TTC21B: variants seen among roughly 807,000 people sequenced by gnomAD.
TTC21B encodes the protein tetratricopeptide repeat protein 21B.
TTC21B carries 127 observed loss-of-function variants against 175.1 expected under a neutral mutation model. The ratio of observed to expected loss-of-function variants is 0.73; its 90% CI spans 0.63 to 0.84. The LOEUF (loss-of-function observed/expected upper bound fraction) is 0.84, where lower values mean the gene tolerates loss of function less well. TTC21B is among the 40% of genes least tolerant of loss of function. The pLI is 0.00. For missense variants in TTC21B, 1,561 were observed against 1,558.3 expected (o/e 1.00, Z -0.03); for synonymous variants, 524 against 524.5 (o/e 1.00, Z 0.01).
chr2:165,892,290 C>G (rs1379119537), intron 22 of TTC21B, among the ~76,000 whole-genome samples: 1 of 152,078 alleles, frequency 6.6e-6, no homozygotes, highest in Non-Finnish European at 1.5e-5. Context: ...TGTTTTAAAG[C>G]TATTTATCCT....
chr2:165,908,569 C>G (rs1685823340), intron 18 of TTC21B, among the ~76,000 whole-genome samples: 1 of 152,000 alleles, frequency 6.6e-6, no homozygotes. Flanking sequence ...GCCACTTTAC[C>G]AACTAGGTAG....
rs770193918 is a variant in TTC21B, at chr2:165,929,662, A to G, written c.1173T>C (p.Ile391=). ...TAAAATACTGTACCGCAGATTTTCC[A>G]ATGGATTGCTGGATTTCATTTAAAA... is the stretch of plus-strand genomic sequence containing the variant. ...LEFLNEIQQS[I]GKSAELIYLH... The change falls in exon 10 of 29, where the codon ATT becomes ATC. Residue 391 remains isoleucine (I), a synonymous_variant. Transcript: ENST00000243344. 4.3e-6 allele frequency: 7 copies of G among 1,611,498 alleles called. No homozygotes were observed. The South Asian group carries it at 7.7e-5, about 18-fold the overall frequency.
intron 24 of TTC21B, among the ~76,000 whole-genome samples, chr2:165,890,218 C>G (rs1685140509): frequency 6.6e-6 from 1 of 152,106 alleles, no homozygotes; most frequent in Admixed American, 6.5e-5. Flanking sequence ...CATAGCATGT[C>G]TATTATTATT....
intron 22 of TTC21B, among the ~76,000 whole-genome samples, chr2:165,894,185 G>A (rs1685285827): frequency 6.6e-6 from 1 of 152,098 alleles, no homozygotes; most frequent in African/African-American, 2.4e-5. Context: ...CAAGCAAACA[G>A]AGCTGAGGAG....
At chr2:165,890,791 CAAT>C in intron 23 of TTC21B, 44 bp downstream of exon 23, 1 of 1,585,744 alleles carries the variant, frequency 6.3e-7, no homozygotes, top group Non-Finnish European at 8.6e-7. Flanking sequence ...ACTTGATTTA[CAAT>C]GAGAAAAAAA....
At chr2:165,945,805 T>C (rs897319504) in intron 3 of TTC21B, 115 bp from the exon 4 acceptor site, 24 of 918,428 alleles carry the variant, frequency 2.6e-5, no homozygotes, top group Admixed American at 8.5e-5. Flanking sequence ...TACTGTCTAA[T>C]AGAAATAAAA....
intron 22 of TTC21B, among the ~76,000 whole-genome samples, chr2:165,891,228 A>G (rs1425782568): frequency 6.6e-6 from 1 of 152,108 alleles, no homozygotes; most frequent in Non-Finnish European, 1.5e-5. Flanking sequence ...AGAAAAATGC[A>G]TATTTCTTGT....
At chr2:165,938,297 G>A (rs1687236835) in intron 6 of TTC21B, among the ~76,000 whole-genome samples, 1 of 151,946 alleles carries the variant, frequency 6.6e-6, no homozygotes, top group African/African-American at 2.4e-5. Context: ...CTAACCAGGA[G>A]AAGAGAAGTT....
At chr2:165,926,991 C>CATATATATATATATATATATAT (rs367965246) in intron 11 of TTC21B, among the ~76,000 whole-genome samples, 1 of 14,618 alleles carries the variant, frequency 6.8e-5, no homozygotes, top group Non-Finnish European at 1.6e-4. Flanking sequence ...TATAAACTCC[C>CATATATATATATATATATATAT]ATATATATAT....
At chr2:165,897,642 C>T (rs12692787) in intron 22 of TTC21B, among the ~76,000 whole-genome samples, 66,222 of 151,936 alleles carry the variant, frequency 0.44, 15,177 homozygotes, top group Middle Eastern at 0.57. Flanking sequence ...GTTTAGGACA[C>T]ATCTGCACAT....
At chr2:165,943,861 T>TGA (rs1180417809) in intron 4 of TTC21B, among the ~76,000 whole-genome samples, 1 of 152,146 alleles carries the variant, frequency 6.6e-6, no homozygotes, top group Non-Finnish European at 1.5e-5. Context: ...AATTATAAAC[T>TGA]GAAGAACTCA....
intron 9 of TTC21B, 75 bp downstream of exon 9, chr2:165,930,097 C>G: frequency 1.4e-6 from 2 of 1,400,800 alleles, no homozygotes; most frequent in Non-Finnish European, 2.0e-6. Context: ...TCCATGTGTT[C>G]TTCTCTAATG....
chr2:165,899,682 C>A, intron 21 of TTC21B, 88 bp downstream of exon 21: 1 of 832,148 alleles, frequency 1.2e-6, no homozygotes. Flanking sequence ...TGAGCCATGC[C>A]TCATCATCTA....
chr2:165,906,422 A>C (rs2105311705), intron 19 of TTC21B, among the ~76,000 whole-genome samples: 1 of 152,108 alleles, frequency 6.6e-6, no homozygotes, highest in African/African-American at 2.4e-5. Context: ...AAGAAGAAAA[A>C]ATTACTAATA....
intron 11 of TTC21B, 111 bp downstream of exon 11, chr2:165,929,024 A>C: frequency 1.0e-6 from 1 of 957,082 alleles, no homozygotes; most frequent in Admixed American, 2.0e-5. Flanking sequence ...AGGTACAAAT[A>C]CTACCATTTT....
Position 165,874,377 on chromosome 2 carries a change from C to A in TTC21B, c.*378G>T, listed in dbSNP as rs1684601759. 6.3e-6 allele frequency: 1 copy of A among 159,362 alleles called. No homozygotes were observed. The highest frequency in any genetic ancestry group is 2.4e-5 in the African/African-American group (1 of 41,470). The allele number at this position is 159,362 out of a possible 1,614,324, so 9.9% of individuals were successfully genotyped here. Reference sequence around the variant, plus strand: ...TAAATAAATAAATAAAAGAATATAACAAAAACACTTTAAAAGAGAACAATG... The same window carrying A: ...TAAATAAATAAATAAAAGAATATAAAAAAAACACTTTAAAAGAGAACAATG... On this transcript the variant is annotated 3_prime_UTR_variant, in exon 29 of 29. Coordinates refer to ENST00000243344, the MANE Select transcript of TTC21B (RefSeq NM_024753.5).
intron 11 of TTC21B, among the ~76,000 whole-genome samples, chr2:165,928,462 A>G (rs138549175): frequency 3.5e-4 from 54 of 152,236 alleles, no homozygotes; most frequent in Non-Finnish European, 6.9e-4. Flanking sequence ...CACGTTTGGA[A>G]TAGTAAACTT....
chr2:165,939,599 A>G (rs1687289620), intron 6 of TTC21B, among the ~76,000 whole-genome samples: 1 of 152,188 alleles, frequency 6.6e-6, no homozygotes, highest in Admixed American at 6.5e-5. Context: ...TCACTGACAC[A>G]TAAATCATAT....
At chr2:165,895,969 C>G (rs891631610) in intron 22 of TTC21B, among the ~76,000 whole-genome samples, 1 of 152,046 alleles carries the variant, frequency 6.6e-6, no homozygotes, top group Non-Finnish European at 1.5e-5. Context: ...AATTTTTGTG[C>G]TCGCTGGGGA....
Sources: gnomAD v4.1 joint callset for allele counts (sites outside exome capture counted in the v4.1 genomes callset) on GRCh38, gnomAD v4.1.1 for gene constraint, MANE v1.5 for transcripts, NCBI Gene and HGNC (gene_info 2026-07-23, HGNC 2026-07-21) for gene names.